CTNNA2: variants seen among roughly 807,000 people sequenced by gnomAD.
CTNNA2 encodes catenin alpha-2.
CTNNA2 carries 42 observed loss-of-function variants against 101.0 expected under a neutral mutation model. The observed-to-expected ratio is 0.42, with a 90% CI of 0.32 to 0.54. The LOEUF is 0.54. Among genes scored for constraint, CTNNA2 ranks in the 20% least tolerant of loss-of-function variants. CTNNA2 has a pLI of 0.14. For synonymous variants in CTNNA2, 450 were observed against 456.4 expected, an observed-to-expected ratio of 0.99 and a Z score of 0.18; for missense variants, 871 against 1,223.1, an observed-to-expected ratio of 0.71 and a Z score of 4.29.
chr2:79,691,798 G>T (rs1267334045), intron 2 of CTNNA2, among the ~76,000 whole-genome samples: 1 of 152,102 alleles, frequency 6.6e-6, no homozygotes, highest in African/African-American at 2.4e-5. Flanking sequence ...AATAAATGGT[G>T]TTGGGAAAAC....
chr2:80,064,741 G>A (rs1484463), intron 7 of CTNNA2, among the ~76,000 whole-genome samples: 128,700 of 152,196 alleles, frequency 0.85, 55,176 homozygotes, highest in African/African-American at 0.92. Flanking sequence ...CCAATGTGCA[G>A]GCACTTTCCA....
chr2:79,347,204 C>T (rs753448420), intron 3 of CTNNA2, among the ~76,000 whole-genome samples: 5 of 151,966 alleles, frequency 3.3e-5, no homozygotes, highest in Admixed American at 6.6e-5. Context: ...GGGTGAACTA[C>T]GGTGAAACAA....
chr2:80,111,353 A>G (rs1249548679), intron 7 of CTNNA2, among the ~76,000 whole-genome samples: 3 of 152,330 alleles, frequency 2.0e-5, no homozygotes, highest in South Asian at 2.1e-4. Flanking sequence ...TGACTACATG[A>G]GAAATTGGTT....
At chr2:80,214,309 G>A (rs1036684043) in intron 7 of CTNNA2, among the ~76,000 whole-genome samples, 16 of 152,124 alleles carry the variant, frequency 1.1e-4, no homozygotes, top group Non-Finnish European at 2.4e-4. Context: ...TCCTAGCATC[G>A]ATGGTCCTTA....
chr2:80,033,598 ACACT>A (rs1695449702), intron 7 of CTNNA2, among the ~76,000 whole-genome samples: 1 of 152,130 alleles, frequency 6.6e-6, no homozygotes, highest in Non-Finnish European at 1.5e-5. Context: ...AAAACAAAAA[ACACT>A]CACCAAATTC....
At chr2:79,655,698 A>G (rs2104498387) in intron 2 of CTNNA2, among the ~76,000 whole-genome samples, 1 of 152,088 alleles carries the variant, frequency 6.6e-6, no homozygotes, top group South Asian at 2.1e-4. Context: ...GCATGGTGGT[A>G]CATGCCTGTA....
At chr2:80,392,692 A>G (rs1228264993) in intron 7 of CTNNA2, among the ~76,000 whole-genome samples, 1 of 152,204 alleles carries the variant, frequency 6.6e-6, no homozygotes, top group Non-Finnish European at 1.5e-5. Context: ...AGCAGAGATT[A>G]GCAATACTGT....
chr2:80,528,329 T>G (rs897250041), intron 9 of CTNNA2, among the ~76,000 whole-genome samples: 11 of 152,170 alleles, frequency 7.2e-5, no homozygotes, highest in Admixed American at 2.0e-4. Context: ...CCTGAGTAGC[T>G]GGGACTACAG....
At chr2:80,164,826 A>G (rs1475735030) in intron 7 of CTNNA2, among the ~76,000 whole-genome samples, 2 of 151,808 alleles carry the variant, frequency 1.3e-5, no homozygotes, top group Non-Finnish European at 2.9e-5. Context: ...ATGTAGAATT[A>G]TGGTTAACAG....
chr2:79,641,019 T>G (rs190633062), intron 1 of CTNNA2, among the ~76,000 whole-genome samples: 5 of 152,276 alleles, frequency 3.3e-5, no homozygotes, highest in Non-Finnish European at 7.4e-5. Flanking sequence ...GTGTCCCAGG[T>G]AGAAACTTTA....
At chr2:80,642,032 G>A (rs376032188) in intron 18 of CTNNA2, among the ~76,000 whole-genome samples, 2 of 151,974 alleles carry the variant, frequency 1.3e-5, no homozygotes. Flanking sequence ...CTGGACCTCT[G>A]ATAAATCACC....
chr2:79,197,806 G>T lies in CTNNA2; in HGVS notation c.-523-153G>T, dbSNP rs1386118213. Among the ~76,000 whole-genome samples the T allele has an allele frequency of 2.0e-5, 3 of 152,132 alleles. No homozygotes were observed. The East Asian group carries it at 5.8e-4, about 29-fold the overall frequency. On this transcript the variant is annotated intron_variant, in intron 1 of 21. Transcript: ENST00000466387. ...GTTGTTGTTGTTGAGACGGAGTCTCGCTTTGTCGCCAGGTTGGAGTGTAGT... is the reference window on the plus strand; with the variant it reads ...GTTGTTGTTGTTGAGACGGAGTCTCTCTTTGTCGCCAGGTTGGAGTGTAGT...
At position 79,366,630 on chromosome 2, in the gene CTNNA2, G is replaced by A. The variant is rs1176987353; in HGVS notation, c.-317-7201G>A. Among the ~76,000 whole-genome samples, 3 of 152,188 alleles carry A rather than the reference G, an allele frequency of 2.0e-5. No individual in the cohort carries two copies. In the South Asian group the frequency reaches 6.2e-4, roughly 32 times the overall value. Reference sequence around the variant, plus strand: ...AATGGAAGTAATATCCTGCCTTTGAGTATGGAGACAAAATTCTAATATCAT... The same window carrying A: ...AATGGAAGTAATATCCTGCCTTTGAATATGGAGACAAAATTCTAATATCAT... On this transcript the variant is annotated intron_variant, in intron 3 of 21. Transcript: ENST00000466387.
intron 7 of CTNNA2, among the ~76,000 whole-genome samples, chr2:80,382,860 C>T (rs1676641618): frequency 2.0e-5 from 3 of 152,132 alleles, no homozygotes. Context: ...GGGGAATATG[C>T]ACTTAAAAAT....
intron 7 of CTNNA2, among the ~76,000 whole-genome samples, chr2:80,090,060 T>A (rs1699687825): frequency 6.6e-6 from 1 of 151,704 alleles, no homozygotes; most frequent in Non-Finnish European, 1.5e-5. Context: ...TCAAGAGAGG[T>A]CTGTCAAATT....
intron 7 of CTNNA2, among the ~76,000 whole-genome samples, chr2:80,235,751 T>G (rs1709517000): frequency 6.6e-6 from 1 of 152,208 alleles, no homozygotes; most frequent in Admixed American, 6.5e-5. Flanking sequence ...CCACTTACCT[T>G]AGGGTCGCAC....
chr2:79,942,201 C>T (rs540593546), intron 7 of CTNNA2, among the ~76,000 whole-genome samples: 12 of 152,126 alleles, frequency 7.9e-5, no homozygotes, highest in Admixed American at 2.0e-4. Context: ...GACCTTGCAG[C>T]CAGCAAGTGC....
intron 2 of CTNNA2, among the ~76,000 whole-genome samples, chr2:79,275,381 A>G (rs1573013884): frequency 6.6e-6 from 1 of 151,940 alleles, no homozygotes; most frequent in East Asian, 1.9e-4. Flanking sequence ...AATACAGATT[A>G]ATTTCCTCAC....
intron 2 of CTNNA2, among the ~76,000 whole-genome samples, chr2:79,216,526 G>T (rs748879822): frequency 1.3e-5 from 2 of 151,700 alleles, no homozygotes; most frequent in Non-Finnish European, 2.9e-5. Flanking sequence ...AGAGGTTGGG[G>T]TGCAGAAATA....
Sources: gnomAD v4.1 joint callset for allele counts (sites outside exome capture counted in the v4.1 genomes callset) on GRCh38, gnomAD v4.1.1 for gene constraint, MANE v1.5 for transcripts, NCBI Gene and HGNC (gene_info 2026-07-23, HGNC 2026-07-21) for gene names.